CDH18: variants seen among roughly 807,000 people sequenced by gnomAD.
The protein encoded by CDH18 is cadherin 18, also known as cadherin-18.
Under a neutral mutation model 67.9 loss-of-function variants are expected in CDH18, and 31 were observed. That is an observed-to-expected ratio of 0.46 (90% confidence interval 0.34 to 0.62). The LOEUF is 0.62. Ranked by LOEUF, CDH18 falls within the 20% of genes least tolerant of loss-of-function variation. CDH18 has a pLI of 0.01. For synonymous variants in CDH18, 362 were observed against 347.2 expected (o/e 1.04, Z -0.48); for missense variants, 890 against 975.5 (o/e 0.91, Z 1.17).
At chr5:20,144,665 G>T (rs1226844625) in intron 2 of CDH18, among the ~76,000 whole-genome samples, 1 of 152,104 alleles carries the variant, frequency 6.6e-6, no homozygotes, top group South Asian at 2.1e-4. Context: ...GCATAAATTG[G>T]GGGGAGTCAA....
At chr5:20,458,384 G>T (rs1750988688) in intron 1 of CDH18, among the ~76,000 whole-genome samples, 2 of 152,196 alleles carry the variant, frequency 1.3e-5, no homozygotes, top group Non-Finnish European at 2.9e-5. Flanking sequence ...TTGGGAGGTT[G>T]AGGCAGGCAG....
intron 2 of CDH18, among the ~76,000 whole-genome samples, chr5:20,013,349 A>G (rs1394891775): frequency 6.6e-6 from 1 of 151,864 alleles, no homozygotes; most frequent in African/African-American, 2.4e-5. Context: ...TTCTTAATAT[A>G]CTCTTTCTGT....
At chr5:20,495,178 C>T (rs1168413831) in intron 1 of CDH18, among the ~76,000 whole-genome samples, 1 of 152,094 alleles carries the variant, frequency 6.6e-6, no homozygotes, top group African/African-American at 2.4e-5. Flanking sequence ...TTCAAAACCT[C>T]TGACAGCTCA....
chr5:19,522,621 A>T (rs1747082998), intron 9 of CDH18, among the ~76,000 whole-genome samples: 1 of 152,128 alleles, frequency 6.6e-6, no homozygotes, highest in African/African-American at 2.4e-5. Context: ...CACGCCGGGC[A>T]TGGTGGCTCA....
At chr5:19,688,368 C>T (rs1434783372) in intron 5 of CDH18, among the ~76,000 whole-genome samples, 1 of 152,130 alleles carries the variant, frequency 6.6e-6, no homozygotes, top group African/African-American at 2.4e-5. Flanking sequence ...TCTTCCCCAG[C>T]AAAACCTCAC....
At chr5:20,082,510 T>C (rs1744568815) in intron 2 of CDH18, among the ~76,000 whole-genome samples, 1 of 152,196 alleles carries the variant, frequency 6.6e-6, no homozygotes, top group Non-Finnish European at 1.5e-5. Context: ...CAAAACCCTA[T>C]GCTATCAAAT....
intron 9 of CDH18, among the ~76,000 whole-genome samples, chr5:19,534,548 T>G (rs941396837): frequency 2.5e-4 from 38 of 152,274 alleles, no homozygotes; most frequent in Middle Eastern, 3.4e-3. Flanking sequence ...AGCAAACTCA[T>G]AGCTTAATTT....
At chr5:20,321,870 A>C (rs1198308649) in intron 1 of CDH18, among the ~76,000 whole-genome samples, 4 of 152,212 alleles carry the variant, frequency 2.6e-5, no homozygotes, top group African/African-American at 9.6e-5. Flanking sequence ...ACCAATGTCC[A>C]ACCCTGTTCT....
chr5:19,860,066 C>T (rs1188561274), intron 2 of CDH18, among the ~76,000 whole-genome samples: 1 of 151,102 alleles, frequency 6.6e-6, no homozygotes, highest in African/African-American at 2.4e-5. Flanking sequence ...TTAGGCATTT[C>T]TCACATTTTA....
Position 19,473,328 on chromosome 5 carries a change from C to T in CDH18, c.2271G>A (p.Thr757=), listed in dbSNP as rs370593800. ...AGTGATAATCCTGGTCTGATTGTGT[C>T]GTTGCTGAATCCAGCGAGCTGATAG... ...AGSISSLDSA[T]TQSDQDYHYL... Residue 757 remains threonine, a synonymous_variant, in exon 13 of 13, where the codon ACG becomes ACA. Transcript: ENST00000382275. 25 of 1,613,730 alleles carry T rather than the reference C, an allele frequency of 1.5e-5. No homozygotes were observed. Among genetic ancestry groups the T allele is most frequent in the South Asian group, 1.4e-4 (13 of 91,080 alleles).
chr5:19,708,646 T>G (rs933362708), intron 5 of CDH18, among the ~76,000 whole-genome samples: 1 of 152,176 alleles, frequency 6.6e-6, no homozygotes, highest in Non-Finnish European at 1.5e-5. Context: ...CTTAAGGCGT[T>G]CCTGAACCAC....
intron 5 of CDH18, among the ~76,000 whole-genome samples, chr5:19,614,783 A>G (rs1174951082): frequency 6.6e-6 from 1 of 152,196 alleles, no homozygotes; most frequent in Non-Finnish European, 1.5e-5. Flanking sequence ...AAATTTGCTC[A>G]TGGATAGAAA....
At chr5:19,725,074 C>A (rs1415408351) in intron 4 of CDH18, among the ~76,000 whole-genome samples, 1 of 151,946 alleles carries the variant, frequency 6.6e-6, no homozygotes, top group African/African-American at 2.4e-5. Flanking sequence ...CTACAGGCGC[C>A]CGCCACCACG....
rs55808445 is a variant in CDH18 at position 19,870,063 on chromosome 5, G to A, written c.-256-30821C>T. ...AGCTTTGCCATTTTATAAACCAAAT[G>A]AACATATTATTACTAGCAGTACAAA... On this transcript the variant is annotated intron_variant, in intron 2 of 12. Transcript: ENST00000382275. Among the ~76,000 whole-genome samples the A allele has an allele frequency of 2.2e-3, 336 of 152,144 alleles. 1 individual carries two copies. Among genetic ancestry groups the A allele is most frequent in the African/African-American group, 7.6e-3 (316 of 41,534 alleles).
At chr5:19,491,885 T>C (rs1741528309) in intron 11 of CDH18, among the ~76,000 whole-genome samples, 1 of 152,100 alleles carries the variant, frequency 6.6e-6, no homozygotes, top group African/African-American at 2.4e-5. Context: ...CCAAGAAATC[T>C]TGTTTCATAG....
chr5:19,837,271 TA>T (rs1318415487), intron 3 of CDH18, among the ~76,000 whole-genome samples: 1 of 151,978 alleles, frequency 6.6e-6, no homozygotes, highest in East Asian at 1.9e-4. Context: ...GGTTGGGGGC[TA>T]GGGGAGGAAT....
chr5:19,681,211 G>A (rs1227497585), intron 5 of CDH18, among the ~76,000 whole-genome samples: 1 of 151,762 alleles, frequency 6.6e-6, no homozygotes, highest in East Asian at 1.9e-4. Flanking sequence ...AGCTTAACAT[G>A]GGGTACACAC....
At chr5:19,771,169 G>A (rs1773683226) in intron 3 of CDH18, among the ~76,000 whole-genome samples, 1 of 152,184 alleles carries the variant, frequency 6.6e-6, no homozygotes, top group Admixed American at 6.5e-5. Context: ...TACCTCTAAT[G>A]TGTACTGTCT....
At chr5:19,545,395 A>G (rs922172385) in intron 8 of CDH18, among the ~76,000 whole-genome samples, 2 of 152,208 alleles carry the variant, frequency 1.3e-5, no homozygotes, top group Admixed American at 1.3e-4. Flanking sequence ...CTTTTGTGAA[A>G]GCAATGGCAA....
Sources: allele counts gnomAD v4.1 joint callset (sites outside exome capture counted in the v4.1 genomes callset), GRCh38; gene constraint gnomAD v4.1.1; transcripts MANE v1.5; gene names NCBI Gene and HGNC (gene_info 2026-07-23, HGNC 2026-07-21).